The following NR3C2 variants were observed in gnomAD, a reference collection of about 807,000 sequenced individuals.
The protein encoded by NR3C2 is mineralocorticoid receptor.
NR3C2 carries 15 observed loss-of-function variants against 86.4 expected under a neutral mutation model. The ratio of observed to expected loss-of-function variants is 0.17; its 90% CI spans 0.12 to 0.27. The LOEUF (loss-of-function observed/expected upper bound fraction) is 0.27. Among genes scored for constraint, NR3C2 ranks in the 10% least tolerant of loss-of-function variants. The pLI is 1.00. For missense variants in NR3C2, 960 were observed against 1,195.6 expected (o/e 0.80, Z 2.91); for synonymous variants, 458 against 450.5 (o/e 1.02, Z -0.21).
chr4:148,142,317 G>A (rs1364466526), intron 6 of NR3C2, among the ~76,000 whole-genome samples: 2 of 152,168 alleles, frequency 1.3e-5, no homozygotes, highest in Non-Finnish European at 1.5e-5. Flanking sequence ...AGATGTGATC[G>A]AATGGCGACG....
Position 148,421,420 on chromosome 4 carries a change from GTCTT to G in NR3C2, c.1757+13680_1757+13683del, listed in dbSNP as rs968929886. Among the ~76,000 whole-genome samples the G allele has an allele frequency of 4.9e-4, 74 of 152,270 alleles. 1 individual carries two copies. Among genetic ancestry groups the G allele is most frequent in the African/African-American group, 1.7e-3 (71 of 41,556 alleles). On this transcript the variant is annotated intron_variant, in intron 2 of 8. Coordinates refer to ENST00000358102, the MANE Select transcript of NR3C2 (RefSeq NM_000901.5). Reference sequence around the variant, plus strand: ...TGTCCATGTTTTCTGTCTTAATATAGTCTTTCTTTCTTCTCTTAGGCAAGGCCCA... The same window carrying G: ...TGTCCATGTTTTCTGTCTTAATATAGTCTTTCTTCTCTTAGGCAAGGCCCA...
At chr4:148,101,692 T>C (rs1274294691) in intron 8 of NR3C2, among the ~76,000 whole-genome samples, 5 of 152,212 alleles carry the variant, frequency 3.3e-5, no homozygotes, top group African/African-American at 1.2e-4. Flanking sequence ...TTTACAAAGA[T>C]AGGCTTGTTA....
At chr4:148,110,028 A>G (rs947181572) in intron 8 of NR3C2, among the ~76,000 whole-genome samples, 3 of 152,014 alleles carry the variant, frequency 2.0e-5, no homozygotes, top group African/African-American at 7.2e-5. Context: ...TATTATTGTC[A>G]ATTCTTTCTA....
At chr4:148,119,374 C>T (rs1223226535) in intron 7 of NR3C2, among the ~76,000 whole-genome samples, 1 of 152,212 alleles carries the variant, frequency 6.6e-6, no homozygotes, top group Non-Finnish European at 1.5e-5. Flanking sequence ...TTGCAAAACC[C>T]TCCAAGATCC....
At chr4:148,097,052 C>T (rs978727685) in intron 8 of NR3C2, among the ~76,000 whole-genome samples, 38 of 152,274 alleles carry the variant, frequency 2.5e-4, no homozygotes, top group African/African-American at 9.1e-4. Flanking sequence ...AAAGAGGTCT[C>T]CAAATTAAGT....
intron 2 of NR3C2, among the ~76,000 whole-genome samples, chr4:148,344,427 T>C (rs1744895387): frequency 6.6e-6 from 1 of 152,160 alleles, no homozygotes; most frequent in Non-Finnish European, 1.5e-5. Context: ...CAAACTCCAC[T>C]GGGAGCTACA....
chr4:148,153,811 C>A lies in NR3C2; in HGVS notation c.2365+740G>T, dbSNP rs540711346. ...GTGATTATTTTTTAGACAGAAGAGT[C>A]ATTCCAGGTCTCTTACAACTTACTT... On this transcript the variant is annotated intron_variant, in intron 5 of 8. Transcript: ENST00000358102. 2.0e-5 allele frequency among the ~76,000 whole-genome samples: 3 copies of A among 152,230 alleles called. No individual in the cohort carries two copies. The South Asian group carries it at 6.2e-4, about 32-fold the overall frequency.
intron 2 of NR3C2, among the ~76,000 whole-genome samples, chr4:148,417,304 C>T (rs550273196): frequency 1.1e-4 from 16 of 152,216 alleles, no homozygotes; most frequent in South Asian, 2.1e-4. Context: ...TGTATGCATG[C>T]GTGCACACAC....
At chr4:148,309,439 C>G (rs114505634) in intron 2 of NR3C2, among the ~76,000 whole-genome samples, 4,627 of 149,546 alleles carry the variant, frequency 0.031, 97 homozygotes, top group African/African-American at 0.069. Context: ...TAGAATTAGA[C>G]TTCAGAAATC....
chr4:148,414,262 A>T (rs1428027463), intron 2 of NR3C2, among the ~76,000 whole-genome samples: 1 of 152,166 alleles, frequency 6.6e-6, no homozygotes, highest in African/African-American at 2.4e-5. Context: ...TACAGATGAC[A>T]TTCTTGACTT....
chr4:148,242,619 T>C (rs1011610085), intron 3 of NR3C2, among the ~76,000 whole-genome samples: 1 of 152,230 alleles, frequency 6.6e-6, no homozygotes, highest in African/African-American at 2.4e-5. Flanking sequence ...GCTTAAAGGA[T>C]AGACATTTTC....
chr4:148,210,754 T>C (rs1358516666), intron 3 of NR3C2, among the ~76,000 whole-genome samples: 1 of 152,210 alleles, frequency 6.6e-6, no homozygotes, highest in Non-Finnish European at 1.5e-5. Context: ...TCAAAAGCCT[T>C]TTCTATCCAC....
intron 3 of NR3C2, among the ~76,000 whole-genome samples, chr4:148,239,871 C>T (rs2149846136): frequency 6.6e-6 from 1 of 151,906 alleles, no homozygotes; most frequent in Admixed American, 6.6e-5. Context: ...GGTGGTCAAA[C>T]TTTGGAAGCT....
At chr4:148,200,566 G>A (rs1736669641) in intron 3 of NR3C2, among the ~76,000 whole-genome samples, 1 of 152,110 alleles carries the variant, frequency 6.6e-6, no homozygotes, top group Non-Finnish European at 1.5e-5. Flanking sequence ...AGGATCTCTT[G>A]GTTAAACTTC....
intron 3 of NR3C2, among the ~76,000 whole-genome samples, chr4:148,196,831 G>A (rs867025925): frequency 2.0e-5 from 3 of 152,118 alleles, no homozygotes; most frequent in Non-Finnish European, 4.4e-5. Context: ...GGTAGGTGTA[G>A]ATAATTACAC....
intron 4 of NR3C2, among the ~76,000 whole-genome samples, chr4:148,187,550 T>A (rs1301140400): frequency 7.0e-6 from 1 of 143,170 alleles, no homozygotes; most frequent in East Asian, 2.0e-4. Context: ...TGGATGGGAT[T>A]TTTTTTTCTT....
At chr4:148,185,561 A>G (rs1463343326) in intron 4 of NR3C2, among the ~76,000 whole-genome samples, 1 of 152,118 alleles carries the variant, frequency 6.6e-6, no homozygotes, top group Admixed American at 6.5e-5. Context: ...CTTCCATCAC[A>G]ATACAAAATT....
chr4:148,325,807 A>G (rs1743936423), intron 2 of NR3C2, among the ~76,000 whole-genome samples: 1 of 152,188 alleles, frequency 6.6e-6, no homozygotes, highest in Non-Finnish European at 1.5e-5. Flanking sequence ...ATCCTTCAGT[A>G]TATCTGGGGG....
chr4:148,079,110 T>TAAGTA lies in NR3C2; in HGVS notation c.*2229_*2233dup, dbSNP rs1181778397. The stretch of plus-strand genomic sequence containing the variant: ...AGACCATCTCCATCCCAAACCTGGT[T>TAAGTA]AAGTAAGTCAGAATTCCCATTTTAT... On this transcript the variant is annotated 3_prime_UTR_variant, in exon 9 of 9. Coordinates refer to ENST00000358102, the MANE Select transcript of NR3C2 (RefSeq NM_000901.5). 3 of 152,510 alleles carry TAAGTA rather than the reference T, an allele frequency of 2.0e-5. No homozygotes were observed. Among genetic ancestry groups the TAAGTA allele is most frequent in the African/African-American group, 7.2e-5 (3 of 41,434 alleles). The allele number at this position is 152,510 out of a possible 1,614,324, so 9.4% of individuals were successfully genotyped here.
Sources: gnomAD v4.1 joint callset for allele counts (sites outside exome capture counted in the v4.1 genomes callset) on GRCh38, gnomAD v4.1.1 for gene constraint, MANE v1.5 for transcripts, NCBI Gene and HGNC (gene_info 2026-07-23, HGNC 2026-07-21) for gene names.